Variants in OPCML observed in about 807,000 individuals in gnomAD.
OPCML encodes opioid-binding protein/cell adhesion molecule.
In OPCML, 13 loss-of-function variants were observed where a neutral mutation model predicts 37.8. The ratio of observed to expected loss-of-function variants is 0.34; its 90% CI spans 0.22 to 0.55. The LOEUF is 0.55. Ranked by LOEUF, OPCML falls within the 20% of genes least tolerant of loss-of-function variation. The probability of loss-of-function intolerance (pLI) is 0.91; values close to 1 mark genes in which losing one functional copy is unlikely to be tolerated. For missense variants in OPCML, 341 were observed against 435.6 expected (o/e 0.78, Z 1.93); for synonymous variants, 176 against 168.8 (o/e 1.04, Z -0.33).
intron 1 of OPCML, among the ~76,000 whole-genome samples, chr11:133,242,850 G>A (rs1297116169): frequency 6.6e-6 from 1 of 152,132 alleles, no homozygotes; most frequent in African/African-American, 2.4e-5. Context: ...ATTTTGGAAA[G>A]GGAATATTAT....
chr11:132,816,404 A>G (rs1190365370), intron 2 of OPCML, among the ~76,000 whole-genome samples: 1 of 152,200 alleles, frequency 6.6e-6, no homozygotes, highest in Non-Finnish European at 1.5e-5. Context: ...ATAAAACTTT[A>G]TTTACAGACA....
At chr11:132,498,595 A>C (rs751448177) in intron 4 of OPCML, among the ~76,000 whole-genome samples, 1 of 152,012 alleles carries the variant, frequency 6.6e-6, no homozygotes, top group South Asian at 2.1e-4. Flanking sequence ...ATACTCTACG[A>C]CCCCTCCACA....
In OPCML at chr11:133,017,129, T is replaced by G. The variant is rs575260471; in HGVS notation, c.62-74119A>C. Among the ~76,000 whole-genome samples the G allele has an allele frequency of 7.9e-5, 12 of 152,324 alleles. No homozygotes were observed. The East Asian group carries it at 2.3e-3, about 29-fold the overall frequency. ...CTTCTTGGCTTACAGATAGCCATCA[T>G]CTTTCTGTGTCCTCACGTGGCAGAA... On this transcript the variant is annotated intron_variant, in intron 1 of 7. Coordinates refer to ENST00000524381, the MANE Select transcript of OPCML (RefSeq NM_001012393.5).
At chr11:132,974,495 G>A (rs1279580114) in intron 1 of OPCML, among the ~76,000 whole-genome samples, 1 of 152,154 alleles carries the variant, frequency 6.6e-6, no homozygotes, top group Non-Finnish European at 1.5e-5. Flanking sequence ...TAAAAAGTCA[G>A]GAAACAACAG....
At chr11:132,611,006 T>C (rs1209461292) in intron 3 of OPCML, among the ~76,000 whole-genome samples, 1 of 152,124 alleles carries the variant, frequency 6.6e-6, no homozygotes, top group East Asian at 1.9e-4. Context: ...GGACTCGAGA[T>C]TTACTTTAGT....
chr11:132,805,744 CAGATTTTCACTGTA>C (rs1469234468), intron 2 of OPCML, among the ~76,000 whole-genome samples: 32 of 152,112 alleles, frequency 2.1e-4, no homozygotes, highest in African/African-American at 7.2e-4. Context: ...TTGTTGACAG[CAGATTTTCACTGTA>C]AGAAATTAAA....
intron 1 of OPCML, chr11:133,026,307 G>T: frequency 2.2e-6 from 2 of 904,458 alleles, no homozygotes; most frequent in Non-Finnish European, 2.6e-6. Context: ...GTTTGGGCTT[G>T]TTCAGCTGTC....
rs577560430 is a variant in OPCML, at chr11:133,373,539, C to A, written c.61+158725G>T. ...ACTGGGGATGCTGAGGTGGGAGGAT[C>A]ACCTGAGCCTGGGAGGTGGAGGTTG... On this transcript the variant is annotated intron_variant, in intron 1 of 7. Transcript: ENST00000524381. Among the ~76,000 whole-genome samples the A allele has an allele frequency of 2.3e-3, 351 of 149,776 alleles. 2 individuals carry two copies. The highest frequency in any genetic ancestry group is 4.6e-3 in the Non-Finnish European group (309 of 67,554).
chr11:133,024,593 A>T, intron 1 of OPCML: 1 of 981,056 alleles, frequency 1.0e-6, no homozygotes, highest in Non-Finnish European at 1.2e-6. Flanking sequence ...TTGCCCTGTG[A>T]ATATTTAATT....
intron 3 of OPCML, among the ~76,000 whole-genome samples, chr11:132,557,513 G>T (rs10894580): frequency 6.6e-5 from 10 of 151,900 alleles, no homozygotes; most frequent in Middle Eastern, 3.2e-3. Context: ...ATCTTTAGTG[G>T]GCTGTCCAAT....
intron 3 of OPCML, among the ~76,000 whole-genome samples, chr11:132,650,911 CAT>C (rs1453904911): frequency 6.6e-6 from 1 of 152,106 alleles, no homozygotes; most frequent in Non-Finnish European, 1.5e-5. Flanking sequence ...TATAAGCACA[CAT>C]GTTCATTTAA....
intron 1 of OPCML, among the ~76,000 whole-genome samples, chr11:132,955,461 G>A (rs79595442): frequency 0.026 from 4,011 of 152,170 alleles, 178 homozygotes; most frequent in African/African-American, 0.092. Flanking sequence ...CCAGACACTA[G>A]AACATACACC....
intron 1 of OPCML, among the ~76,000 whole-genome samples, chr11:133,460,652 A>C (rs1946837088): frequency 6.6e-6 from 1 of 151,940 alleles, no homozygotes; most frequent in South Asian, 2.1e-4. Flanking sequence ...AAGAAATAAA[A>C]AATTTGAATA....
In OPCML at chr11:132,861,013, C is replaced by T. The variant is rs528962518; in HGVS notation, c.146+81913G>A. On this transcript the variant is annotated intron_variant, in intron 2 of 7. Transcript: ENST00000524381. Reference sequence around the variant, plus strand: ...CAAACTAATATATTGTACAAGGCCACGATTTGCCAGGGACTTTTGCAGATA... The same window carrying T: ...CAAACTAATATATTGTACAAGGCCATGATTTGCCAGGGACTTTTGCAGATA... Among the ~76,000 whole-genome samples, 55 of 152,278 alleles carry T rather than the reference C, an allele frequency of 3.6e-4. No homozygotes were observed. In the East Asian group the frequency reaches 4.6e-3, roughly 13 times the overall value.
rs538215144 is a variant in OPCML at position 132,618,192 on chromosome 11, G to A, written c.379+38895C>T. On this transcript the variant is annotated intron_variant, in intron 3 of 7. Transcript: ENST00000524381. Reference sequence around the variant, plus strand: ...ATCTAGCAGACAGAATGAACACAACGGTAAGGAGTGAGTGTAATTAAAGGC... The same window carrying A: ...ATCTAGCAGACAGAATGAACACAACAGTAAGGAGTGAGTGTAATTAAAGGC... 5.9e-5 allele frequency among the ~76,000 whole-genome samples: 9 copies of A among 152,308 alleles called. No individual in the cohort carries two copies. In the East Asian group the frequency reaches 1.2e-3, roughly 20 times the overall value.
At chr11:132,916,673 G>A (rs1382683225) in intron 2 of OPCML, among the ~76,000 whole-genome samples, 1 of 152,214 alleles carries the variant, frequency 6.6e-6, no homozygotes, top group Non-Finnish European at 1.5e-5. Context: ...GTCACCGGAA[G>A]AGAAGAGGAA....
At chr11:133,028,045 AAAGT>A (rs1024959666) in intron 1 of OPCML, among the ~76,000 whole-genome samples, 1 of 151,968 alleles carries the variant, frequency 6.6e-6, no homozygotes, top group African/African-American at 2.4e-5. Context: ...TTCAGGTATA[AAAGT>A]AAGGTTTGAA....
intron 1 of OPCML, among the ~76,000 whole-genome samples, chr11:133,511,515 C>A (rs1416300793): frequency 6.6e-6 from 1 of 151,240 alleles, no homozygotes; most frequent in East Asian, 2.0e-4. Flanking sequence ...ATAAGCCAGG[C>A]AGATTCACTC....
At chr11:132,509,616 A>T (rs1270398850) in intron 4 of OPCML, among the ~76,000 whole-genome samples, 1 of 152,226 alleles carries the variant, frequency 6.6e-6, no homozygotes, top group East Asian at 1.9e-4. Context: ...GCACATGTAC[A>T]GCGCAGGCTG....
Sources: gnomAD v4.1 joint callset for allele counts (sites outside exome capture counted in the v4.1 genomes callset) on GRCh38, gnomAD v4.1.1 for gene constraint, MANE v1.5 for transcripts, NCBI Gene and HGNC (gene_info 2026-07-23, HGNC 2026-07-21) for gene names.